Variants in GRID2 observed in about 807,000 individuals in gnomAD.
GRID2 encodes glutamate ionotropic receptor delta type subunit 2, also known as glutamate receptor ionotropic, delta-2.
In GRID2, 33 loss-of-function variants were observed where a neutral mutation model predicts 114.8. The observed-to-expected ratio is 0.29, with a 90% CI of 0.22 to 0.38. GRID2 has a LOEUF of 0.38. Among genes scored for constraint, GRID2 ranks in the 10% least tolerant of loss-of-function variants. GRID2 has a pLI of 1.00. For missense variants in GRID2, 1,184 were observed against 1,257.7 expected (o/e 0.94, Z 0.89); for synonymous variants, 505 against 449.9 (o/e 1.12, Z -1.55).
chr4:92,808,907 A>T (rs535877183), intron 2 of GRID2, among the ~76,000 whole-genome samples: 23 of 152,090 alleles, frequency 1.5e-4, no homozygotes, highest in Non-Finnish European at 1.9e-4. Context: ...TGAAGAAATA[A>T]GACAGTCACT....
At chr4:92,644,491 C>T (rs1708519809) in intron 2 of GRID2, among the ~76,000 whole-genome samples, 1 of 151,586 alleles carries the variant, frequency 6.6e-6, no homozygotes, top group Admixed American at 6.6e-5. Flanking sequence ...TTATATTTGC[C>T]AGCTTTTGAT....
At chr4:92,355,882 A>T (rs1728294379) in intron 1 of GRID2, among the ~76,000 whole-genome samples, 1 of 151,778 alleles carries the variant, frequency 6.6e-6, no homozygotes, top group Non-Finnish European at 1.5e-5. Flanking sequence ...ATTCAGCCCT[A>T]TAGCCATGCC....
At chr4:92,936,017 C>A (rs1464303924) in intron 2 of GRID2, among the ~76,000 whole-genome samples, 1 of 145,384 alleles carries the variant, frequency 6.9e-6, no homozygotes, top group Non-Finnish European at 1.5e-5. Context: ...CACATGTACC[C>A]TAAAACTTAA....
intron 1 of GRID2, among the ~76,000 whole-genome samples, chr4:92,375,032 C>A (rs1296824374): frequency 6.6e-6 from 1 of 151,940 alleles, no homozygotes; most frequent in African/African-American, 2.4e-5. Context: ...AATCTTTGAC[C>A]CTAAAATAGG....
intron 13 of GRID2, among the ~76,000 whole-genome samples, chr4:93,608,518 G>C (rs1357785677): frequency 2.1e-5 from 3 of 144,854 alleles, no homozygotes; most frequent in Non-Finnish European, 3.0e-5. Context: ...GTGTCCATGT[G>C]ATCTCATTGT....
intron 14 of GRID2, among the ~76,000 whole-genome samples, chr4:93,696,399 C>T (rs1305750523): frequency 6.6e-6 from 1 of 152,160 alleles, no homozygotes; most frequent in Non-Finnish European, 1.5e-5. Context: ...TAAGAATAAC[C>T]TCCTAATTAT....
At chr4:92,408,879 T>C (rs1731160731) in intron 1 of GRID2, among the ~76,000 whole-genome samples, 2 of 152,110 alleles carry the variant, frequency 1.3e-5, no homozygotes, top group African/African-American at 2.4e-5. Context: ...GTGGAGTCTT[T>C]GGGGTTTTGT....
intron 8 of GRID2, among the ~76,000 whole-genome samples, chr4:93,326,498 T>G (rs1459607926): frequency 6.6e-6 from 1 of 152,126 alleles, no homozygotes; most frequent in African/African-American, 2.4e-5. Flanking sequence ...AATTGAGCTT[T>G]TAGATTCTCC....
At chr4:92,979,627 T>C (rs1272425606) in intron 2 of GRID2, among the ~76,000 whole-genome samples, 1 of 152,132 alleles carries the variant, frequency 6.6e-6, no homozygotes, top group Non-Finnish European at 1.5e-5. Context: ...TCATTTCCGA[T>C]GTAATTCAGA....
At chr4:92,450,372 A>G (rs938456050) in intron 1 of GRID2, among the ~76,000 whole-genome samples, 7 of 152,090 alleles carry the variant, frequency 4.6e-5, no homozygotes, top group African/African-American at 1.7e-4. Flanking sequence ...AAAGAAGTAG[A>G]AATCAAATGA....
intron 2 of GRID2, among the ~76,000 whole-genome samples, chr4:93,082,325 CAAG>C (rs1285261673): frequency 6.6e-6 from 1 of 152,160 alleles, no homozygotes; most frequent in Non-Finnish European, 1.5e-5. Context: ...GATACAACTA[CAAG>C]ACTCCATTGT....
At chr4:92,655,105 A>G (rs1383549793) in intron 2 of GRID2, among the ~76,000 whole-genome samples, 2 of 152,120 alleles carry the variant, frequency 1.3e-5, no homozygotes, top group African/African-American at 4.8e-5. Flanking sequence ...ATTCTTCTGC[A>G]TGTGGTTATG....
At chr4:92,342,260 G>GA (rs943588806) in intron 1 of GRID2, among the ~76,000 whole-genome samples, 21 of 152,144 alleles carry the variant, frequency 1.4e-4, no homozygotes, top group African/African-American at 4.6e-4. Flanking sequence ...TCCAGTTGGA[G>GA]AAAATAAGTT....
intron 2 of GRID2, among the ~76,000 whole-genome samples, chr4:92,783,384 G>A (rs1739174333): frequency 1.3e-5 from 2 of 151,988 alleles, no homozygotes; most frequent in Non-Finnish European, 2.9e-5. Context: ...AGAGAATGTT[G>A]TATTGTTTCC....
At chr4:93,551,498 C>T (rs1260355907) in intron 13 of GRID2, among the ~76,000 whole-genome samples, 1 of 152,066 alleles carries the variant, frequency 6.6e-6, no homozygotes, top group Admixed American at 6.6e-5. Context: ...AGCAAGCCAT[C>T]CAGTGTGGCT....
chr4:93,652,513 C>CATGCAG (rs1378858270), intron 14 of GRID2, among the ~76,000 whole-genome samples: 1 of 152,020 alleles, frequency 6.6e-6, no homozygotes, highest in Non-Finnish European at 1.5e-5. Context: ...TGTATAGTAA[C>CATGCAG]ATGCAGTACA....
rs145689050 is a variant in GRID2, at chr4:92,968,141, T to C, written c.245-116854T>C. 3.1e-3 allele frequency among the ~76,000 whole-genome samples: 477 copies of C among 152,020 alleles called. 2 individuals are homozygous for C. The highest frequency in any genetic ancestry group is 5.3e-3 in the Non-Finnish European group (360 of 67,884). On this transcript the variant is annotated intron_variant, in intron 2 of 15. Coordinates refer to ENST00000282020, the MANE Select transcript of GRID2 (RefSeq NM_001510.4). Reference sequence around the variant, plus strand: ...TCAACATAGAAGCAGAGCTAAGTAATAAAACTATCACCTATGTTCATGAGG... The same window carrying C: ...TCAACATAGAAGCAGAGCTAAGTAACAAAACTATCACCTATGTTCATGAGG...
chr4:93,072,487 C>T (rs1298770291), intron 2 of GRID2, among the ~76,000 whole-genome samples: 1 of 152,022 alleles, frequency 6.6e-6, no homozygotes, highest in East Asian at 1.9e-4. Flanking sequence ...AAGTTGGTAT[C>T]AGAAGGATAT....
intron 9 of GRID2, among the ~76,000 whole-genome samples, chr4:93,402,436 C>A (rs1765986068): frequency 6.6e-6 from 1 of 152,034 alleles, no homozygotes; most frequent in Non-Finnish European, 1.5e-5. Flanking sequence ...CATACATTAT[C>A]TCTGCAGTAA....
Sources: allele counts gnomAD v4.1 joint callset (sites outside exome capture counted in the v4.1 genomes callset), GRCh38; gene constraint gnomAD v4.1.1; transcripts MANE v1.5; gene names NCBI Gene and HGNC (gene_info 2026-07-23, HGNC 2026-07-21).